The following HSDL2 variants were observed in gnomAD, a reference collection of about 807,000 sequenced individuals.
The protein encoded by HSDL2 is hydroxysteroid dehydrogenase like 2, also known as hydroxysteroid dehydrogenase-like protein 2.
A neutral mutation model predicts 46.3 loss-of-function variants in HSDL2; 27 were observed. The observed-to-expected ratio is 0.58, with a 90% confidence interval of 0.43 to 0.80. The LOEUF (loss-of-function observed/expected upper bound fraction) is 0.80, where lower values mean the gene tolerates loss of function less well. HSDL2 is among the 30% of genes least tolerant of loss of function. HSDL2 has a pLI of 0.00. For synonymous variants in HSDL2, 153 were observed against 163.6 expected, an observed-to-expected ratio of 0.94 and a Z score of 0.50; for missense variants, 451 against 502.7, an observed-to-expected ratio of 0.90 and a Z score of 0.98.
intron 4 of HSDL2, among the ~76,000 whole-genome samples, chr9:112,415,976 C>T (rs576374106): frequency 4.1e-4 from 63 of 152,060 alleles, no homozygotes; most frequent in African/African-American, 1.3e-3. Context: ...GACGTGGTGG[C>T]GGGCGCCTTG....
chr9:112,455,615 C>T (rs564729866), intron 9 of HSDL2, among the ~76,000 whole-genome samples: 4 of 152,288 alleles, frequency 2.6e-5, no homozygotes, highest in South Asian at 2.1e-4. Context: ...ACTATTGCCC[C>T]GCTTCAGCTG....
intron 1 of HSDL2, among the ~76,000 whole-genome samples, chr9:112,389,344 G>A (rs901234974): frequency 6.6e-5 from 10 of 152,080 alleles, no homozygotes; most frequent in Admixed American, 6.6e-4. Context: ...TAAGTGGTTT[G>A]GAGAAAATAA....
chr9:112,385,633 C>T (rs1345062378), intron 1 of HSDL2, among the ~76,000 whole-genome samples: 1 of 151,818 alleles, frequency 6.6e-6, no homozygotes, highest in Non-Finnish European at 1.5e-5. Context: ...ATTACAGGCA[C>T]CTGCCACCAC....
rs149449901 is a variant in HSDL2, at chr9:112,452,214, GAATT to G, written c.866-1795_866-1792del. On this transcript the variant is annotated intron_variant, in intron 8 of 10. Coordinates refer to ENST00000398805, the MANE Select transcript of HSDL2 (RefSeq NM_032303.5). Reference sequence around the variant, plus strand: ...GCAATTTATATTCAGTATACTTTATGAATTAATAGCTTACTTTGTACTATGGAGT... The same window carrying G: ...GCAATTTATATTCAGTATACTTTATGAATAGCTTACTTTGTACTATGGAGT... Among the ~76,000 whole-genome samples, 503 of 152,256 alleles carry G rather than the reference GAATT, an allele frequency of 3.3e-3. 4 individuals carry two copies. The highest frequency in any genetic ancestry group is 0.012 in the African/African-American group (483 of 41,548).
chr9:112,448,637 C>A (rs1448179440), intron 8 of HSDL2, among the ~76,000 whole-genome samples: 2 of 152,074 alleles, frequency 1.3e-5, no homozygotes, highest in Non-Finnish European at 2.9e-5. Context: ...CTGCAACGTC[C>A]GCCACCTGGG....
intron 1 of HSDL2, among the ~76,000 whole-genome samples, chr9:112,388,199 A>T (rs985435545): frequency 1.3e-5 from 2 of 151,990 alleles, no homozygotes; most frequent in Non-Finnish European, 2.9e-5. Flanking sequence ...ACAGTGGCTC[A>T]TGCCTGTAAC....
chr9:112,444,834 G>GTT, intron 8 of HSDL2, among the ~76,000 whole-genome samples: 3,349 of 79,588 alleles, frequency 0.042, 176 homozygotes, highest in African/African-American at 0.089. Context: ...ACTCAGTCTT[G>GTT]TTTTTTTTTT....
At chr9:112,456,005 T>TTC (rs1166329405) in intron 9 of HSDL2, among the ~76,000 whole-genome samples, 1 of 152,174 alleles carries the variant, frequency 6.6e-6, no homozygotes, top group African/African-American at 2.4e-5. Flanking sequence ...GAGTCTGAGA[T>TTC]TCTGCATGTC....
Position 112,458,854 on chromosome 9 carries a change from A to G in HSDL2, c.1016-595A>G, listed in dbSNP as rs559714980. On this transcript the variant is annotated intron_variant, in intron 9 of 10. Coordinates refer to ENST00000398805, the MANE Select transcript of HSDL2 (RefSeq NM_032303.5). ...AAATTAGCTGGGTGTGGTGGCGGGC[A>G]CCTGTAGTCCCAGCTACTAGGGAGG... Among the ~76,000 whole-genome samples the G allele has an allele frequency of 3.3e-5, 5 of 151,448 alleles. No homozygotes were observed. In the East Asian group the frequency reaches 1.0e-3, roughly 30 times the overall value.
At chr9:112,388,875 A>G (rs1352714516) in intron 1 of HSDL2, among the ~76,000 whole-genome samples, 1 of 151,818 alleles carries the variant, frequency 6.6e-6, no homozygotes, top group Non-Finnish European at 1.5e-5. Flanking sequence ...AACGGAGACT[A>G]AAGAGATATG....
chr9:112,411,449 C>G (rs141188884), intron 4 of HSDL2, among the ~76,000 whole-genome samples: 189 of 152,300 alleles, frequency 1.2e-3, no homozygotes, highest in African/African-American at 4.2e-3. Context: ...CCAATGCAGG[C>G]AGATCACCTG....
chr9:112,470,595 C>CTGT lies in HSDL2; in HGVS notation c.*52_*53insGTT. 2.1e-6 allele frequency: 2 copies of CTGT among 961,036 alleles called. No individual in the cohort carries two copies. The highest frequency in any genetic ancestry group is 3.2e-6 in the Non-Finnish European group (2 of 626,834). The allele number at this position is 961,036 out of a possible 1,614,324, so 59.5% of individuals were successfully genotyped here. ...TGCTATGCTCAAAAAGTAAAAAAAG[C>CTGT]TCAACAGTTAAAATCTAATGTTTGT... On this transcript the variant is annotated 3_prime_UTR_variant, in exon 11 of 11. Transcript: ENST00000398805.
At chr9:112,441,914 T>C (rs1157975332) in intron 8 of HSDL2, 144 bp downstream of exon 8, 2 of 583,248 alleles carry the variant, frequency 3.4e-6, no homozygotes, top group Non-Finnish European at 6.0e-6. Context: ...ACAAGTAATG[T>C]GAGATCTCAG....
chr9:112,441,426 C>T (rs1823484955), intron 7 of HSDL2, among the ~76,000 whole-genome samples: 1 of 152,028 alleles, frequency 6.6e-6, no homozygotes, highest in African/African-American at 2.4e-5. Context: ...ATGAGAAGGG[C>T]AGAGGTTCCT....
intron 8 of HSDL2, among the ~76,000 whole-genome samples, chr9:112,449,080 G>GTTTTT (rs59586435): frequency 3.4e-5 from 4 of 118,952 alleles, no homozygotes; most frequent in Non-Finnish European, 5.2e-5. Context: ...TCTTTCCTCT[G>GTTTTT]TTTTTTTTTT....
intron 6 of HSDL2, among the ~76,000 whole-genome samples, chr9:112,423,989 C>T (rs186080872): frequency 9.3e-5 from 14 of 150,916 alleles, no homozygotes; most frequent in African/African-American, 3.2e-4. Context: ...GCTGGGATTA[C>T]AAGCGTGAGC....
intron 2 of HSDL2, among the ~76,000 whole-genome samples, chr9:112,404,588 G>A (rs1410798409): frequency 2.0e-5 from 3 of 152,168 alleles, no homozygotes; most frequent in African/African-American, 7.2e-5. Flanking sequence ...ATGGGAGGGG[G>A]AGTAGGGAAG....
chr9:112,424,815 T>G (rs1832210882), intron 6 of HSDL2, among the ~76,000 whole-genome samples: 1 of 151,234 alleles, frequency 6.6e-6, no homozygotes, highest in Admixed American at 6.6e-5. Context: ...ATATTTATAT[T>G]TTTTCAATAT....
At chr9:112,382,828 A>T (rs1189830610) in intron 1 of HSDL2, among the ~76,000 whole-genome samples, 1 of 152,118 alleles carries the variant, frequency 6.6e-6, no homozygotes. Flanking sequence ...ACAGTTTTTC[A>T]TGTTGCATCT....
Sources: gnomAD v4.1 joint callset for allele counts (sites outside exome capture counted in the v4.1 genomes callset) on GRCh38, gnomAD v4.1.1 for gene constraint, MANE v1.5 for transcripts, NCBI Gene and HGNC (gene_info 2026-07-23, HGNC 2026-07-21) for gene names.